The following BNC2 variants were observed in gnomAD, a reference collection of about 807,000 sequenced individuals.
BNC2 encodes zinc finger protein basonuclin-2.
Under a neutral mutation model 76.3 loss-of-function variants are expected in BNC2, and 20 were observed. The ratio of observed to expected loss-of-function variants is 0.26; its 90% CI spans 0.18 to 0.38. BNC2 has a LOEUF of 0.38. Ranked by LOEUF, BNC2 falls within the 10% of genes least tolerant of loss-of-function variation. BNC2 has a pLI of 1.00. For missense variants in BNC2, 1,382 were observed against 1,399.8 expected (o/e 0.99, Z 0.20); for synonymous variants, 582 against 514.8 (o/e 1.13, Z -1.77).
At chr9:16,427,696 T>C (rs16934647) in intron 6 of BNC2, among the ~76,000 whole-genome samples, 8,768 of 152,284 alleles carry the variant, frequency 0.058, 299 homozygotes, top group Middle Eastern at 0.12. Flanking sequence ...CAGTCACGCA[T>C]GAGGATCCAA....
chr9:16,810,696 G>A (rs966926779), intron 1 of BNC2, among the ~76,000 whole-genome samples: 1 of 152,140 alleles, frequency 6.6e-6, no homozygotes, highest in Non-Finnish European at 1.5e-5. Context: ...CACATAGTAA[G>A]GATAAGTTCA....
intron 6 of BNC2, among the ~76,000 whole-genome samples, chr9:16,428,564 G>T (rs899303908): frequency 1.3e-5 from 2 of 152,160 alleles, no homozygotes; most frequent in African/African-American, 2.4e-5. Context: ...ATTTAGATTA[G>T]AACATTAGCA....
chr9:16,862,872 A>T (rs1819445013), intron 1 of BNC2, among the ~76,000 whole-genome samples: 1 of 152,026 alleles, frequency 6.6e-6, no homozygotes, highest in Non-Finnish European at 1.5e-5. Flanking sequence ...CCAGCCTTAG[A>T]TGACCACGGC....
intron 4 of BNC2, 73 bp from the exon 5 acceptor site, chr9:16,552,838 A>G: frequency 1.6e-6 from 2 of 1,271,826 alleles, no homozygotes; most frequent in Non-Finnish European, 2.3e-6. Context: ...CAGGAGTTAG[A>G]AATATTGCTG....
At chr9:16,739,174 G>C (rs1375615714) in intron 1 of BNC2, among the ~76,000 whole-genome samples, 1 of 152,076 alleles carries the variant, frequency 6.6e-6, no homozygotes, top group East Asian at 1.9e-4. Flanking sequence ...TGGTTGATAG[G>C]AACTATTATA....
intron 1 of BNC2, chr9:16,868,037 T>C (rs1819585059): frequency 6.6e-6 from 1 of 152,168 alleles, no homozygotes; most frequent in Non-Finnish European, 1.5e-5. Context: ...GCTGACAAGT[T>C]AGCAGGGGAC....
chr9:16,519,800 T>C (rs1817557893), intron 5 of BNC2, among the ~76,000 whole-genome samples: 1 of 152,210 alleles, frequency 6.6e-6, no homozygotes, highest in South Asian at 2.1e-4. Flanking sequence ...GCTCAAGTCA[T>C]ACAACTGGCA....
At position 16,639,089 on chromosome 9, in the gene BNC2, G is replaced by T. The variant is rs374421075; in HGVS notation, c.331-56004C>A. Among the ~76,000 whole-genome samples the T allele has an allele frequency of 1.3e-5, 2 of 152,082 alleles. 1 individual carries two copies. The highest frequency in any genetic ancestry group is 4.1e-4 in the South Asian group (2 of 4,826). ...TGTAATAGGCTATTTTCCCTCAAAA[G>T]AAACTTTTCCTTAATGTGAACTTAA... On this transcript the variant is annotated intron_variant, in intron 3 of 6. Coordinates refer to ENST00000380672, the MANE Select transcript of BNC2 (RefSeq NM_017637.6).
At chr9:16,572,830 C>T (rs993349641) in intron 4 of BNC2, among the ~76,000 whole-genome samples, 1 of 152,240 alleles carries the variant, frequency 6.6e-6, no homozygotes, top group Non-Finnish European at 1.5e-5. Flanking sequence ...TTAGGATTAT[C>T]ACACCAATTC....
At chr9:16,621,089 T>C (rs938789904) in intron 3 of BNC2, among the ~76,000 whole-genome samples, 8 of 152,200 alleles carry the variant, frequency 5.3e-5, no homozygotes, top group Admixed American at 2.0e-4. Flanking sequence ...GTAAGTAATG[T>C]TCAAAGGATT....
At chr9:16,757,526 T>G (rs1194950226) in intron 1 of BNC2, among the ~76,000 whole-genome samples, 1 of 152,226 alleles carries the variant, frequency 6.6e-6, no homozygotes, top group African/African-American at 2.4e-5. Flanking sequence ...GTCAAAAGTT[T>G]GGAGATACTT....
intron 5 of BNC2, among the ~76,000 whole-genome samples, chr9:16,530,858 G>C (rs1280022939): frequency 6.6e-6 from 1 of 152,192 alleles, no homozygotes; most frequent in Non-Finnish European, 1.5e-5. Flanking sequence ...GCATGAGCTG[G>C]ACAGGTGTCA....
At chr9:16,861,834 A>C (rs747577678) in intron 1 of BNC2, among the ~76,000 whole-genome samples, 25 of 152,112 alleles carry the variant, frequency 1.6e-4, no homozygotes, top group Admixed American at 8.5e-4. Context: ...CTAAAAATAC[A>C]AAAAATTAGC....
intron 5 of BNC2, among the ~76,000 whole-genome samples, chr9:16,551,434 C>T (rs915987056): frequency 6.6e-6 from 1 of 152,198 alleles, no homozygotes; most frequent in African/African-American, 2.4e-5. Flanking sequence ...TCCTCACATG[C>T]CAAGCTGGCA....
chr9:16,807,678 A>G (rs1817946155), intron 1 of BNC2, among the ~76,000 whole-genome samples: 1 of 152,204 alleles, frequency 6.6e-6, no homozygotes, highest in South Asian at 2.1e-4. Context: ...ACATTACTAA[A>G]TTGTTTAATT....
chr9:16,543,147 G>A (rs903925926), intron 5 of BNC2, among the ~76,000 whole-genome samples: 2 of 152,138 alleles, frequency 1.3e-5, no homozygotes, highest in Non-Finnish European at 2.9e-5. Flanking sequence ...AAGGGTTGGG[G>A]TGGGGGGACT....
intron 1 of BNC2, chr9:16,775,428 T>C (rs1009812290): frequency 2.6e-5 from 4 of 151,512 alleles, no homozygotes; most frequent in Non-Finnish European, 4.4e-5. Flanking sequence ...GATTTCTTCA[T>C]GTTGTATGTG....
chr9:16,775,588 A>G, intron 1 of BNC2: 1 of 169,604 alleles, frequency 5.9e-6, no homozygotes, highest in Non-Finnish European at 1.3e-5. Flanking sequence ...ACTCATCAAG[A>G]GTATCTGCTC....
At chr9:16,681,585 C>G (rs986193725) in intron 3 of BNC2, among the ~76,000 whole-genome samples, 2 of 152,152 alleles carry the variant, frequency 1.3e-5, no homozygotes, top group African/African-American at 4.8e-5. Flanking sequence ...GTCACACACA[C>G]AAACTCACAC....
Sources: allele counts gnomAD v4.1 joint callset (sites outside exome capture counted in the v4.1 genomes callset), GRCh38; gene constraint gnomAD v4.1.1; transcripts MANE v1.5; gene names NCBI Gene and HGNC (gene_info 2026-07-23, HGNC 2026-07-21).